Variants in CEP72 observed in about 807,000 individuals in gnomAD.
CEP72 encodes centrosomal protein of 72 kDa.
A neutral mutation model predicts 65.7 loss-of-function variants in CEP72; 78 were observed. That is an observed-to-expected ratio of 1.19 (90% CI 0.99 to 1.43). The LOEUF (loss-of-function observed/expected upper bound fraction) is 1.43, where lower values mean the gene tolerates loss of function less well. Among genes scored for constraint, CEP72 ranks in the 40% most tolerant of loss-of-function variants. CEP72 has a pLI of 0.00. For synonymous variants in CEP72, 358 were observed against 351.7 expected, an observed-to-expected ratio of 1.02 and a Z score of -0.20; for missense variants, 914 against 832.9, an observed-to-expected ratio of 1.10 and a Z score of -1.20.
rs1260016444 is a variant in CEP72, at chr5:645,672, G to A, written c.1666+1247G>A. On this transcript the variant is annotated intron_variant, in intron 10 of 11. Transcript: ENST00000264935. The surrounding 1 kb of genome is among the most constrained non-coding windows in gnomAD (Gnocchi z 4.0). ...TGGCATCTGATCAGCACTGGTACCC[G>A]CTCCACGCCCTGAGCTGCTGGGATA... Among the ~76,000 whole-genome samples the A allele has an allele frequency of 2.6e-5, 4 of 152,340 alleles. No homozygotes were observed. The highest frequency in any genetic ancestry group is 3.9e-4 in the East Asian group (2 of 5,188).
rs113778968 is a variant in CEP72 at position 642,123 on chromosome 5, C to T, written c.1539+1519C>T. On this transcript the variant is annotated intron_variant, in intron 9 of 11. Transcript: ENST00000264935. ...GTGCATTTAAACACACGTGGTCCCC[C>T]GTCCAGAAGCCTCTGCATTTGAACA... is the stretch of plus-strand genomic sequence containing the variant. The T allele has an allele frequency of 6.0e-3, 5,826 of 964,798 alleles. 31 individuals are homozygous for T. Among genetic ancestry groups the T allele is most frequent in the Non-Finnish European group, 6.7e-3 (5,441 of 813,014 alleles). 59.8% of individuals were successfully genotyped at this position (964,798 alleles called of 1,614,324 possible).
At chr5:613,595 G>C (rs961444447) in intron 1 of CEP72, among the ~76,000 whole-genome samples, 1 of 152,222 alleles carries the variant, frequency 6.6e-6, no homozygotes, top group Non-Finnish European at 1.5e-5. Context: ...TTGAACTCCT[G>C]ATCTCAGGTG....
intron 9 of CEP72, chr5:642,588 T>C: frequency 1.0e-6 from 1 of 985,492 alleles, no homozygotes; most frequent in Non-Finnish European, 1.2e-6. Flanking sequence ...GAGAGTCACA[T>C]GCAGCTGTGG....
chr5:663,457 G>A (rs1202398564), exon 2 of CEP72: 1 of 152,404 alleles, frequency 6.6e-6, no homozygotes, highest in African/African-American at 2.4e-5. Context: ...TGCCTGCCAG[G>A]TCCTCCCCAT....
In CEP72 at chr5:635,564, C is replaced by T. The variant is rs199729073; in HGVS notation, c.884C>T (p.Thr295Met). Reference protein sequence around the residue: ...PEASRAPRPHTYFTPHPDSMD... With the variant: ...PEASRAPRPHMYFTPHPDSMD... ...GCCTCCCGTGCCCCCAGGCCACACA[C>T]GTACTTCACCCCACACCCAGGTACT... The change falls in exon 6 of 12, where the codon ACG (threonine) becomes ATG (methionine). Residue 295 changes from threonine (T) to methionine (M), a missense_variant. Coordinates refer to ENST00000264935, the MANE Select transcript of CEP72 (RefSeq NM_018140.4). 37 of 1,613,144 alleles carry T rather than the reference C, an allele frequency of 2.3e-5. No homozygotes were observed. The highest frequency in any genetic ancestry group is 1.0e-4 in the Admixed American group (6 of 60,020).
chr5:633,709 G>T (rs558559573), intron 4 of CEP72, 60 bp from the exon 5 acceptor site: 1 of 1,525,726 alleles, frequency 6.6e-7, no homozygotes, highest in Non-Finnish European at 9.0e-7. Flanking sequence ...CTCCTGGTCT[G>T]CGTGGGCCGG....
At chr5:632,959 C>G (rs1579968889) in intron 4 of CEP72, among the ~76,000 whole-genome samples, 2 of 100,576 alleles carry the variant, frequency 2.0e-5, no homozygotes, top group African/African-American at 1.0e-4. Flanking sequence ...CTGTCCAGTG[C>G]CGGGATTTAG....
intron 4 of CEP72, among the ~76,000 whole-genome samples, chr5:628,886 G>A (rs1433902979): frequency 1.5e-3 from 155 of 104,444 alleles, no homozygotes; most frequent in African/African-American, 5.2e-3. Context: ...AACTCAGGTT[G>A]CCGTCCCTGG....
chr5:628,178 G>A lies in CEP72; in HGVS notation c.512+3599G>A, dbSNP rs147592413. On this transcript the variant is annotated intron_variant, in intron 4 of 11. Transcript: ENST00000264935. ...TGGACATTCAGACTCATTGTGTCCC[G>A]GCGTGAAAGCTTCAGTCATGGATTT... Among the ~76,000 whole-genome samples the A allele has an allele frequency of 5.8e-3, 890 of 152,332 alleles. 30 individuals carry two copies. The highest frequency in any genetic ancestry group is 0.05 in the Admixed American group (765 of 15,298).
the CEP72 span, among the ~76,000 whole-genome samples, chr5:673,529 TG>T: frequency 8.5e-5 from 13 of 152,256 alleles, no homozygotes; most frequent in African/African-American, 3.1e-4. Flanking sequence ...CCACCTGAGC[TG>T]CTGCCCGCAG....
Position 624,280 on chromosome 5 carries a change from C to T in CEP72, c.404-191C>T, listed in dbSNP as rs895389692. 1.3e-5 allele frequency among the ~76,000 whole-genome samples: 2 copies of T among 152,174 alleles called. No individual in the cohort carries two copies. Among genetic ancestry groups the T allele is most frequent in the South Asian group, 2.1e-4 (1 of 4,826 alleles). ...GCAGCAGTGAGCTCTGAGGGACAGG[C>T]GGCCTCAGCACCACGCTGGGCATCG... On this transcript the variant is annotated intron_variant, in intron 3 of 11. Transcript: ENST00000264935. This position sits in a 1 kb window ranked among gnomAD's most constrained non-coding sequence, Gnocchi z 4.7.
intron 1 of CEP72, among the ~76,000 whole-genome samples, chr5:615,636 TC>T (rs1735946126): frequency 1.3e-5 from 2 of 152,332 alleles, no homozygotes; most frequent in Admixed American, 1.3e-4. Flanking sequence ...CTAATCTCTG[TC>T]TTGTAGTAGT....
At chr5:612,578 G>A in intron 1 of CEP72, 135 bp downstream of exon 1, 1 of 1,229,596 alleles carries the variant, frequency 8.1e-7, no homozygotes, top group Non-Finnish European at 1.0e-6. Flanking sequence ...AACGGTCGCG[G>A]GCGAGCGGGG....
intron 4 of CEP72, among the ~76,000 whole-genome samples, chr5:628,348 G>T (rs551258540): frequency 6.6e-6 from 1 of 152,008 alleles, no homozygotes; most frequent in South Asian, 2.1e-4. Context: ...CTCAGTGTCA[G>T]GCTTCAGGGA....
chr5:645,988 T>C lies in CEP72; in HGVS notation c.1666+1563T>C, dbSNP rs1304234354. Among the ~76,000 whole-genome samples, 1 of 151,864 alleles carries C rather than the reference T, an allele frequency of 6.6e-6. No individual in the cohort carries two copies. Among genetic ancestry groups the C allele is most frequent in the Non-Finnish European group, 1.5e-5 (1 of 67,944 alleles). On this transcript the variant is annotated intron_variant, in intron 10 of 11. Transcript: ENST00000264935. The surrounding 1 kb of genome is among the most constrained non-coding windows in gnomAD (Gnocchi z 4.0). ...GCCCTGTGTGGATGGTGAATTCGGC[T>C]TCCTTACACTGTGGGAGCGTCACTC...
chr5:613,327 C>A (rs1489460126), intron 1 of CEP72, among the ~76,000 whole-genome samples: 1 of 150,778 alleles, frequency 6.6e-6, no homozygotes, highest in East Asian at 1.9e-4. Flanking sequence ...AGGGGCCCAG[C>A]AGGGAGGTGG....
intron 11 of CEP72, among the ~76,000 whole-genome samples, chr5:651,811 C>G (rs966222424): frequency 6.6e-6 from 1 of 151,780 alleles, no homozygotes; most frequent in African/African-American, 2.4e-5. Context: ...TGGTCAGTTC[C>G]TCCCCCTCCC....
At chr5:672,255 C>T in the CEP72 span, among the ~76,000 whole-genome samples, 1 of 152,180 alleles carries the variant, frequency 6.6e-6, no homozygotes, top group Admixed American at 6.5e-5. Flanking sequence ...TCGGGGCAAC[C>T]GCAGACCCCA....
At chr5:616,932 G>A (rs866115300) in intron 1 of CEP72, among the ~76,000 whole-genome samples, 6 of 151,816 alleles carry the variant, frequency 4.0e-5, no homozygotes, top group Admixed American at 1.3e-4. Flanking sequence ...GTGTGTGCGT[G>A]TGTGTATGTG....
Sources: gnomAD v4.1 joint callset for allele counts (sites outside exome capture counted in the v4.1 genomes callset) on GRCh38, gnomAD v4.1.1 for gene constraint, Gnocchi (gnomAD v3.1) non-coding constraint, MANE v1.5 for transcripts, NCBI Gene and HGNC (gene_info 2026-07-23, HGNC 2026-07-21) for gene names.